The following XIRP2 variants were observed in gnomAD, a reference collection of about 807,000 sequenced individuals.
XIRP2 encodes the protein xin actin binding repeat containing 2, also known as xin actin-binding repeat-containing protein 2.
A neutral mutation model predicts 277.0 loss-of-function variants in XIRP2; 236 were observed. The ratio of observed to expected loss-of-function variants is 0.85; its 90% confidence interval spans 0.77 to 0.95. XIRP2 has a LOEUF of 0.95. XIRP2 is among the 40% of genes least tolerant of loss of function. The pLI is 0.00. For missense variants in XIRP2, 4,640 were observed against 4,157.5 expected (o/e 1.12, Z -3.19); for synonymous variants, 1,490 against 1,416.5 (o/e 1.05, Z -1.17).
At chr2:167,124,406 C>T (rs556286006) in intron 2 of XIRP2, 1 of 152,304 alleles carries the variant, frequency 6.6e-6, no homozygotes, top group Non-Finnish European at 1.5e-5. Context: ...GTCTTTCACT[C>T]TAGAAGAAGT....
chr2:166,982,196 G>T (rs931960928), intron 2 of XIRP2, among the ~76,000 whole-genome samples: 6 of 150,898 alleles, frequency 4.0e-5, no homozygotes, highest in African/African-American at 4.9e-5. Flanking sequence ...CATTATTTCT[G>T]ATAAAGAGAT....
At chr2:167,196,859 G>C (rs1296308330) in intron 3 of XIRP2, among the ~76,000 whole-genome samples, 1 of 152,122 alleles carries the variant, frequency 6.6e-6, no homozygotes, top group East Asian at 1.9e-4. Flanking sequence ...TGTGTGTGGA[G>C]TGGGGTGGGT....
intron 3 of XIRP2, among the ~76,000 whole-genome samples, chr2:167,141,789 A>G (rs1691724784): frequency 6.6e-6 from 1 of 152,142 alleles, no homozygotes; most frequent in African/African-American, 2.4e-5. Context: ...TGAGTCCTGG[A>G]GTTCAAGGTT....
chr2:167,203,268 T>C (rs185071580), intron 3 of XIRP2, among the ~76,000 whole-genome samples: 14 of 152,350 alleles, frequency 9.2e-5, no homozygotes, highest in South Asian at 2.1e-4. Flanking sequence ...GGCAACTGGA[T>C]TTAAAGAATC....
intron 2 of XIRP2, among the ~76,000 whole-genome samples, chr2:167,024,375 G>C (rs1449260363): frequency 6.6e-6 from 1 of 151,982 alleles, no homozygotes; most frequent in Non-Finnish European, 1.5e-5. Flanking sequence ...GAGTTTTCTA[G>C]ATATGCAATC....
chr2:167,025,976 T>C (rs1400163108), intron 2 of XIRP2, among the ~76,000 whole-genome samples: 1 of 152,138 alleles, frequency 6.6e-6, no homozygotes, highest in Non-Finnish European at 1.5e-5. Context: ...TAGGTCTGCT[T>C]GGTGCAAAAC....
Position 167,250,893 on chromosome 2 carries a change from A to C in XIRP2, c.9501A>C (p.Arg3167Ser), listed in dbSNP as rs758674727. The C allele has an allele frequency of 7.4e-6, 12 of 1,613,190 alleles. No individual in the cohort carries two copies. In the East Asian group the frequency reaches 2.5e-4, roughly 33 times the overall value. Residue 3167 changes from arginine to serine, a missense_variant, in exon 9 of 11, where the codon AGA becomes AGC. By Grantham distance (110) the Arg-to-Ser change is moderately radical. Coordinates refer to ENST00000409195, the MANE Select transcript of XIRP2 (RefSeq NM_152381.6). ...RPMSQKSEIH[R>S]ANTSPSPPRS... ...TGTCGCAAAAATCTGAAATTCACAG[A>C]GCAAACACTTCCCCTTCTCCACCCA...
chr2:167,116,019 T>C (rs542398398), intron 2 of XIRP2, among the ~76,000 whole-genome samples: 1 of 152,324 alleles, frequency 6.6e-6, no homozygotes, highest in East Asian at 1.9e-4. Flanking sequence ...ATTTTAATTA[T>C]TTTAAATTTG....
intron 2 of XIRP2, among the ~76,000 whole-genome samples, chr2:167,006,278 G>A (rs1266545902): frequency 2.0e-5 from 3 of 151,612 alleles, no homozygotes; most frequent in African/African-American, 7.3e-5. Flanking sequence ...CCCCCTAGGA[G>A]TTAGAGAAGA....
chr2:167,159,574 G>T (rs975573205), intron 3 of XIRP2, among the ~76,000 whole-genome samples: 2 of 152,086 alleles, frequency 1.3e-5, no homozygotes, highest in African/African-American at 4.8e-5. Flanking sequence ...TGAAAGCACT[G>T]AATTTGGCAC....
chr2:167,182,525 G>A (rs16853163), intron 3 of XIRP2, among the ~76,000 whole-genome samples: 14,971 of 152,118 alleles, frequency 0.098, 773 homozygotes, highest in South Asian at 0.15. Context: ...ATCACCCAAC[G>A]TAGTGCTTGT....
intron 3 of XIRP2, among the ~76,000 whole-genome samples, chr2:167,169,901 A>G (rs894620252): frequency 1.3e-5 from 2 of 152,088 alleles, no homozygotes; most frequent in African/African-American, 2.4e-5. Flanking sequence ...ATTTTGTCTT[A>G]TATTTATTTT....
chr2:167,223,521 A>T (rs527320783), intron 5 of XIRP2, among the ~76,000 whole-genome samples: 1 of 152,238 alleles, frequency 6.6e-6, no homozygotes, highest in Admixed American at 6.5e-5. Context: ...CATTTTTGAC[A>T]GCTTGTGACA....
chr2:167,049,092 T>G (rs1688856753), intron 2 of XIRP2, among the ~76,000 whole-genome samples: 1 of 151,918 alleles, frequency 6.6e-6, no homozygotes, highest in Non-Finnish European at 1.5e-5. Context: ...TGGAGCTTAC[T>G]TCAATGAGTT....
At chr2:167,180,355 A>C (rs1040912780) in intron 3 of XIRP2, among the ~76,000 whole-genome samples, 1 of 151,874 alleles carries the variant, frequency 6.6e-6, no homozygotes, top group Admixed American at 6.6e-5. Flanking sequence ...CTTCATATTA[A>C]TCCTTATCTA....
At chr2:167,085,171 T>A (rs1261104955) in intron 2 of XIRP2, among the ~76,000 whole-genome samples, 1 of 151,352 alleles carries the variant, frequency 6.6e-6, no homozygotes, top group East Asian at 1.9e-4. Context: ...TCAAAGAACA[T>A]CTTTATTTCT....
intron 2 of XIRP2, among the ~76,000 whole-genome samples, chr2:167,037,518 G>GGTGTGTGTGTGT (rs59857626): frequency 1.6e-5 from 2 of 126,460 alleles, no homozygotes; most frequent in Middle Eastern, 3.7e-3. Context: ...TCATGTGGGG[G>GGTGTGTGTGTGT]GTGTGTGTGT....
intron 2 of XIRP2, among the ~76,000 whole-genome samples, chr2:167,133,139 T>C (rs1691436146): frequency 6.6e-6 from 1 of 152,200 alleles, no homozygotes; most frequent in South Asian, 2.1e-4. Context: ...AACTTTCTTA[T>C]TGTGAAATGC....
intron 2 of XIRP2, among the ~76,000 whole-genome samples, chr2:167,012,899 G>A (rs558751302): frequency 1.3e-5 from 2 of 151,260 alleles, no homozygotes; most frequent in African/African-American, 4.8e-5. Flanking sequence ...CCAGCGTTTT[G>A]TTATTTCCAG....
Sources: allele counts gnomAD v4.1 joint callset (sites outside exome capture counted in the v4.1 genomes callset), GRCh38; gene constraint gnomAD v4.1.1; transcripts MANE v1.5; gene names NCBI Gene and HGNC (gene_info 2026-07-23, HGNC 2026-07-21).